DPP6: variants seen among roughly 807,000 people sequenced by gnomAD.
The protein encoded by DPP6 is A-type potassium channel modulatory protein DPP6.
Under a neutral mutation model 122.6 loss-of-function variants are expected in DPP6, and 69 were observed. The observed-to-expected ratio is 0.56, with a 90% CI of 0.46 to 0.69. The LOEUF (loss-of-function observed/expected upper bound fraction) is 0.69, where lower values mean the gene tolerates loss of function less well. Among genes scored for constraint, DPP6 ranks in the 30% least tolerant of loss-of-function variants. The pLI, the probability that DPP6 is intolerant of heterozygous loss-of-function variation, is 0.00. For synonymous variants in DPP6, 418 were observed against 433.1 expected (o/e 0.97, Z 0.43); for missense variants, 928 against 1,116.9 (o/e 0.83, Z 2.41).
At chr7:154,035,383 G>T in intron 1 of DPP6, among the ~76,000 whole-genome samples, 1 of 152,170 alleles carries the variant, frequency 6.6e-6, no homozygotes, top group East Asian at 1.9e-4. Flanking sequence ...AATTACTTTG[G>T]TTTTTGTTGG....
chr7:154,350,837 T>C (rs769217890), intron 1 of DPP6, among the ~76,000 whole-genome samples: 4 of 152,006 alleles, frequency 2.6e-5, no homozygotes. Flanking sequence ...TTTACATGGG[T>C]GTTTTTAAGG....
At chr7:154,219,077 C>T (rs1430970556) in intron 1 of DPP6, among the ~76,000 whole-genome samples, 1 of 152,180 alleles carries the variant, frequency 6.6e-6, no homozygotes, top group Non-Finnish European at 1.5e-5. Context: ...AATTTTACTT[C>T]CTAAGATTAT....
intron 1 of DPP6, among the ~76,000 whole-genome samples, chr7:154,164,607 C>A (rs2150714854): frequency 6.6e-6 from 1 of 152,242 alleles, no homozygotes; most frequent in East Asian, 1.9e-4. Context: ...AATCCAATAT[C>A]CATTAGCAGT....
rs556367523 is a variant in DPP6 at position 154,123,734 on chromosome 7, G to C, written c.243+70671G>C. On this transcript the variant is annotated intron_variant, in intron 1 of 25. Coordinates refer to ENST00000377770, the MANE Select transcript of DPP6 (RefSeq NM_130797.4). ...TCACGGGGCTTACCTGGGGACAGTT[G>C]TGCTGCCCGCTCGTGGGGCTTACCT... Among the ~76,000 whole-genome samples, 5 of 143,926 alleles carry C rather than the reference G, an allele frequency of 3.5e-5. No individual in the cohort carries two copies. In the East Asian group the frequency reaches 1.0e-3, roughly 30 times the overall value. The allele number at this position is 143,926 out of a possible 152,430, so 94.4% of individuals were successfully genotyped here.
At chr7:153,798,950 G>T in the DPP6 span, among the ~76,000 whole-genome samples, 3 of 152,152 alleles carry the variant, frequency 2.0e-5, no homozygotes, top group Non-Finnish European at 2.9e-5. Flanking sequence ...AGAATCTAAT[G>T]CCACTGCTGA....
intron 3 of DPP6, among the ~76,000 whole-genome samples, chr7:154,488,546 G>T (rs746144886): frequency 3.3e-5 from 5 of 151,686 alleles, no homozygotes; most frequent in Admixed American, 6.6e-5. Context: ...ACAGATGAAA[G>T]AGATAGCTCC....
intron 5 of DPP6, among the ~76,000 whole-genome samples, chr7:154,574,034 T>C (rs1364783484): frequency 1.3e-5 from 2 of 152,278 alleles, no homozygotes; most frequent in African/African-American, 4.8e-5. Context: ...GGCTCAAAAC[T>C]AACAATTATT....
chr7:154,659,469 T>C (rs763269121), intron 6 of DPP6, among the ~76,000 whole-genome samples: 5 of 152,250 alleles, frequency 3.3e-5, no homozygotes, highest in African/African-American at 4.8e-5. Context: ...TTTACCAGTT[T>C]ATCAATGAAT....
At chr7:154,890,354 T>G (rs1806493330) in intron 25 of DPP6, 1 of 152,262 alleles carries the variant, frequency 6.6e-6, no homozygotes, top group Non-Finnish European at 1.5e-5. Flanking sequence ...AGGGACCACC[T>G]GTGGGCTTGA....
rs149986834 is a variant in DPP6 at position 154,414,025 on chromosome 7, G to A, written c.244-32189G>A. On this transcript the variant is annotated intron_variant, in intron 1 of 25. Coordinates refer to ENST00000377770, the MANE Select transcript of DPP6 (RefSeq NM_130797.4). ...AATTGCCTGTTTTTGAAGCCATCGT[G>A]TCCATCATTTTTAGTGAGAGAATAA... Among the ~76,000 whole-genome samples, 834 of 152,250 alleles carry A rather than the reference G, an allele frequency of 5.5e-3. 13 individuals carry two copies. The highest frequency in any genetic ancestry group is 0.019 in the African/African-American group (801 of 41,544).
the DPP6 span, among the ~76,000 whole-genome samples, chr7:153,872,415 G>T: frequency 6.6e-6 from 1 of 152,094 alleles, no homozygotes; most frequent in Non-Finnish European, 1.5e-5. Flanking sequence ...GTAAGAACTG[G>T]CTCATTTAAA....
intron 1 of DPP6, among the ~76,000 whole-genome samples, chr7:154,137,100 T>C (rs919114308): frequency 2.0e-5 from 3 of 152,224 alleles, no homozygotes; most frequent in Non-Finnish European, 4.4e-5. Flanking sequence ...TAGTTCCTTA[T>C]AATCCCAGAA....
intron 4 of DPP6, among the ~76,000 whole-genome samples, chr7:154,564,691 T>A (rs1304871233): frequency 6.6e-6 from 1 of 152,230 alleles, no homozygotes; most frequent in African/African-American, 2.4e-5. Flanking sequence ...ATGCTTATAA[T>A]CTATCCTCAT....
At chr7:154,477,106 T>A (rs1822812791) in intron 3 of DPP6, among the ~76,000 whole-genome samples, 1 of 152,102 alleles carries the variant, frequency 6.6e-6, no homozygotes, top group Non-Finnish European at 1.5e-5. Context: ...CTTTGGTATT[T>A]GTCAAAAACC....
At chr7:154,597,767 T>C (rs1158967942) in intron 5 of DPP6, among the ~76,000 whole-genome samples, 1 of 152,180 alleles carries the variant, frequency 6.6e-6, no homozygotes, top group East Asian at 1.9e-4. Context: ...CTGCTGAGGC[T>C]GTGAGGGAGT....
the DPP6 span, among the ~76,000 whole-genome samples, chr7:153,785,743 C>G: frequency 6.6e-6 from 1 of 152,046 alleles, no homozygotes; most frequent in Non-Finnish European, 1.5e-5. Flanking sequence ...GAATCCTGGT[C>G]TCAACCAATT....
At chr7:153,965,762 A>G (rs908905622) in intron 1 of DPP6, among the ~76,000 whole-genome samples, 1 of 151,980 alleles carries the variant, frequency 6.6e-6, no homozygotes, top group African/African-American at 2.4e-5. Flanking sequence ...AGGCCCAGAC[A>G]GGCGGATCAC....
At chr7:153,781,328 C>T in the DPP6 span, among the ~76,000 whole-genome samples, 1 of 152,266 alleles carries the variant, frequency 6.6e-6, no homozygotes, top group East Asian at 1.9e-4. Flanking sequence ...AATCCGAGAT[C>T]AAAATTCCCC....
At chr7:154,337,124 A>G (rs964476079) in intron 1 of DPP6, among the ~76,000 whole-genome samples, 5 of 152,310 alleles carry the variant, frequency 3.3e-5, no homozygotes, top group East Asian at 1.9e-4. Context: ...TGGTTCATCA[A>G]TTGTCCTCAC....
Sources: allele counts gnomAD v4.1 joint callset (sites outside exome capture counted in the v4.1 genomes callset), GRCh38; gene constraint gnomAD v4.1.1; transcripts MANE v1.5; gene names NCBI Gene and HGNC (gene_info 2026-07-23, HGNC 2026-07-21).